The following KAT6A variants were observed in gnomAD, a reference collection of about 807,000 sequenced individuals.
KAT6A encodes the protein histone acetyltransferase KAT6A.
A neutral mutation model predicts 198.4 loss-of-function variants in KAT6A; 9 were observed. The observed-to-expected ratio is 0.05, with a 90% CI of 0.03 to 0.08. The LOEUF (loss-of-function observed/expected upper bound fraction) is 0.08, where lower values mean the gene tolerates loss of function less well. Ranked by LOEUF, KAT6A falls within the 10% of genes least tolerant of loss-of-function variation. The probability of loss-of-function intolerance (pLI) is 1.00; values close to 1 mark genes in which losing one functional copy is unlikely to be tolerated. For missense variants in KAT6A, 2,077 were observed against 2,509.9 expected (o/e 0.83, Z 3.69); for synonymous variants, 890 against 883.0 (o/e 1.01, Z -0.14).
At chr8:41,945,732 A>G (rs1822347585) in intron 12 of KAT6A, among the ~76,000 whole-genome samples, 1 of 151,464 alleles carries the variant, frequency 6.6e-6, no homozygotes, top group Non-Finnish European at 1.5e-5. Context: ...CTGTTTAAAA[A>G]TATTTCGTGT....
chr8:41,956,018 T>A (rs1039311306), intron 8 of KAT6A, among the ~76,000 whole-genome samples: 1 of 152,230 alleles, frequency 6.6e-6, no homozygotes, highest in Admixed American at 6.5e-5. Context: ...CTCTGTTATA[T>A]ACAGACCTTC....
At position 41,940,888 on chromosome 8, in the gene KAT6A, C is replaced by A. The variant is rs754507434; in HGVS notation, c.2993G>T (p.Arg998Leu). 4 of 1,613,776 alleles carry A rather than the reference C, an allele frequency of 2.5e-6. No individual in the cohort carries two copies. The highest frequency in any genetic ancestry group is 3.4e-6 in the Non-Finnish European group (4 of 1,180,008). Residue 998 changes from arginine (R) to leucine (L), a missense_variant, in exon 15 of 17, where the codon CGG becomes CTG. Arg to Leu is a moderately radical substitution (Grantham distance 102). This residue lies in a region of KAT6A where 301 missense variants were observed against 272.2 expected (regional missense o/e 1.11). Transcript: ENST00000265713. ...TGTGAGAATTGGTGGCGAGCTTGAC[C>A]GAGGGCTTTCCGGCTCCTCCTCCTC... ...SEEEEEPESPRSSSPPILTKP... is the reference protein window; with the variant it reads ...SEEEEEPESPLSSSPPILTKP...
At chr8:41,956,011 T>A (rs975599397) in intron 8 of KAT6A, among the ~76,000 whole-genome samples, 2 of 152,230 alleles carry the variant, frequency 1.3e-5, no homozygotes, top group African/African-American at 4.8e-5. Context: ...AAAGACACTC[T>A]GTTATATACA....
chr8:41,981,156 A>G (rs567664148), intron 4 of KAT6A, among the ~76,000 whole-genome samples: 1 of 152,122 alleles, frequency 6.6e-6, no homozygotes, highest in South Asian at 2.1e-4. Context: ...TGTCCCTACT[A>G]AAAATACAAA....
chr8:42,014,985 G>A (rs1413937498), intron 2 of KAT6A, among the ~76,000 whole-genome samples: 1 of 152,214 alleles, frequency 6.6e-6, no homozygotes, highest in Non-Finnish European at 1.5e-5. Context: ...AGAAATCACT[G>A]TCCATAACTG....
At chr8:41,971,780 G>A (rs1259760370) in intron 8 of KAT6A, among the ~76,000 whole-genome samples, 1 of 152,040 alleles carries the variant, frequency 6.6e-6, no homozygotes, top group Non-Finnish European at 1.5e-5. Flanking sequence ...TTAGTCTGGA[G>A]GCAATTATAG....
In KAT6A at chr8:41,932,034, CA is replaced by C. The variant is rs1468542148; in HGVS notation, c.*170del. ...ACCAAAACCCAGAACAAAATGAACC[CA>C]AAAAAAGAGAAGATCAGGTTTTCTA... On this transcript the variant is annotated 3_prime_UTR_variant, in exon 17 of 17. Transcript: ENST00000265713. 6.4e-6 allele frequency: 4 copies of C among 623,806 alleles called. No homozygotes were observed. Among genetic ancestry groups the C allele is most frequent in the Non-Finnish European group, 9.3e-6 (4 of 428,270 alleles). The allele number at this position is 623,806 out of a possible 1,614,324, so 38.6% of individuals were successfully genotyped here.
chr8:41,944,010 C>T, intron 12 of KAT6A, 31 bp from the exon 13 acceptor site: 1 of 1,506,592 alleles, frequency 6.6e-7, no homozygotes, highest in Non-Finnish European at 9.2e-7. Context: ...CAAATCAGAA[C>T]TAGGTCAGCA....
At chr8:41,980,973 G>A in intron 4 of KAT6A, 46 bp from the exon 5 acceptor site, 1 of 1,286,318 alleles carries the variant, frequency 7.8e-7, no homozygotes, top group Non-Finnish European at 1.1e-6. Flanking sequence ...TTATGAAGCA[G>A]AAACATGTTA....
At chr8:41,973,193 G>A (rs1381924734) in intron 8 of KAT6A, among the ~76,000 whole-genome samples, 1 of 152,034 alleles carries the variant, frequency 6.6e-6, no homozygotes, top group East Asian at 1.9e-4. Context: ...TTAATATGAA[G>A]AGTTTTCCCT....
chr8:41,966,695 T>A (rs1823508972), intron 8 of KAT6A, among the ~76,000 whole-genome samples: 1 of 152,188 alleles, frequency 6.6e-6, no homozygotes. Flanking sequence ...AATCATTTAA[T>A]ACAGCAATGC....
chr8:42,005,607 T>C (rs936042763), intron 2 of KAT6A, among the ~76,000 whole-genome samples: 1 of 152,182 alleles, frequency 6.6e-6, no homozygotes, highest in African/African-American at 2.4e-5. Context: ...TTTATCTATG[T>C]AATGTCACCA....
At chr8:42,012,938 T>C (rs941948947) in intron 2 of KAT6A, among the ~76,000 whole-genome samples, 9 of 152,058 alleles carry the variant, frequency 5.9e-5, no homozygotes, top group African/African-American at 1.9e-4. Flanking sequence ...TGATGCCAAA[T>C]GAAATAAGCC....
At chr8:42,014,721 T>C (rs536730526) in intron 2 of KAT6A, among the ~76,000 whole-genome samples, 3 of 152,160 alleles carry the variant, frequency 2.0e-5, no homozygotes, top group African/African-American at 7.2e-5. Flanking sequence ...ACTTTTTTAA[T>C]AAATAAAGGA....
Position 41,934,603 on chromosome 8 carries a change from T to C in KAT6A, c.3617A>G (p.Glu1206Gly). 6.2e-7 allele frequency: 1 copy of C among 1,614,062 alleles called. No homozygotes were observed. The highest frequency in any genetic ancestry group is 1.3e-5 in the African/African-American group (1 of 74,978). The change falls in exon 17 of 17, where the codon GAG becomes GGG. Residue 1206 changes from glutamate (E) to glycine (G), a missense_variant. Physicochemically the swap from Glu to Gly is moderately conservative, Grantham distance 98. Coordinates refer to ENST00000265713, the MANE Select transcript of KAT6A (RefSeq NM_006766.5). ...PKAGRKPKIQ[E>G]SEETVEPKED... ...TTTTGGCTCAACAGTTTCTTCACTCTCCTGGATCTTGGGTTTACGTCCAGC... is the reference window on the plus strand; with the variant it reads ...TTTTGGCTCAACAGTTTCTTCACTCCCCTGGATCTTGGGTTTACGTCCAGC...
intron 2 of KAT6A, among the ~76,000 whole-genome samples, chr8:42,022,326 A>G (rs1826583217): frequency 6.6e-6 from 1 of 152,122 alleles, no homozygotes; most frequent in African/African-American, 2.4e-5. Context: ...CACTGCTTTC[A>G]AATCAGACCC....
At chr8:42,006,447 C>T (rs867236446) in intron 2 of KAT6A, among the ~76,000 whole-genome samples, 1 of 152,322 alleles carries the variant, frequency 6.6e-6, no homozygotes, top group Middle Eastern at 3.4e-3. Context: ...TATCCCTTAT[C>T]TCTGAAATGC....
chr8:42,011,161 A>G (rs1826001634), intron 2 of KAT6A, among the ~76,000 whole-genome samples: 1 of 152,152 alleles, frequency 6.6e-6, no homozygotes, highest in Admixed American at 6.5e-5. Context: ...TGCCCCTTAC[A>G]TGTTAATTTA....
chr8:41,943,019 T>C lies in KAT6A; in HGVS notation c.2229-19A>G. On this transcript the variant is annotated intron_variant, in intron 13 of 16. Transcript: ENST00000265713. The stretch of plus-strand genomic sequence containing the variant: ...CACAAATCTGGAACCAGAGAAAAGT[T>C]TATAGCAATCAACAATGTACAAGGT... The C allele has an allele frequency of 6.2e-7, 1 of 1,613,456 alleles. No individual in the cohort carries two copies.
Sources: gnomAD v4.1 joint callset for allele counts (sites outside exome capture counted in the v4.1 genomes callset) on GRCh38, gnomAD v4.1.1 for gene constraint, gnomAD v4.1.1 regional missense constraint, MANE v1.5 for transcripts, NCBI Gene and HGNC (gene_info 2026-07-23, HGNC 2026-07-21) for gene names.